The following ANK2 variants were observed in gnomAD, a reference collection of about 807,000 sequenced individuals.
The protein encoded by ANK2 is ankyrin-2.
Under a neutral mutation model 360.5 loss-of-function variants are expected in ANK2, and 83 were observed. The ratio of observed to expected loss-of-function variants is 0.23; its 90% confidence interval spans 0.19 to 0.28. The LOEUF (loss-of-function observed/expected upper bound fraction) is 0.28, where lower values mean the gene tolerates loss of function less well. ANK2 is among the 10% of genes least tolerant of loss of function. The pLI, the probability that ANK2 is intolerant of heterozygous loss-of-function variation, is 1.00. For synonymous variants in ANK2, 1,740 were observed against 1,759.5 expected (o/e 0.99, Z 0.28); for missense variants, 4,201 against 4,795.7 (o/e 0.88, Z 3.66).
chr4:113,352,929 C>G (rs902860992), intron 37 of ANK2, 116 bp from the exon 38 acceptor site: 1 of 1,212,370 alleles, frequency 8.2e-7, no homozygotes, highest in Non-Finnish European at 1.2e-6. Flanking sequence ...ATTTTGTTGC[C>G]CCTCCCACCA....
intron 2 of ANK2, among the ~76,000 whole-genome samples, chr4:113,041,185 A>C (rs2062857064): frequency 6.6e-6 from 1 of 152,034 alleles, no homozygotes; most frequent in Non-Finnish European, 1.5e-5. Context: ...AGATTTTATC[A>C]TTTCACTTAT....
At chr4:112,951,081 CAAAAA>C in intron 2 of ANK2, among the ~76,000 whole-genome samples, 1 of 55,946 alleles carries the variant, frequency 1.8e-5, no homozygotes, top group Non-Finnish European at 3.6e-5. Flanking sequence ...GCCTCCGTCT[CAAAAA>C]AAAAAAAAAA....
the ANK2 span, among the ~76,000 whole-genome samples, chr4:112,806,830 CAAAAAAGAA>C: frequency 5.3e-4 from 81 of 151,870 alleles, no homozygotes; most frequent in African/African-American, 1.9e-3. Context: ...GACCTTGTTT[CAAAAAAGAA>C]AAAAATGAAA....
intron 2 of ANK2, among the ~76,000 whole-genome samples, chr4:112,947,963 G>A (rs2094654220): frequency 6.6e-6 from 1 of 152,172 alleles, no homozygotes; most frequent in Non-Finnish European, 1.5e-5. Context: ...CCTATGACAA[G>A]ATTTAAAATA....
chr4:113,094,465 C>G (rs1471235896), intron 1 of ANK2, among the ~76,000 whole-genome samples: 1 of 152,022 alleles, frequency 6.6e-6, no homozygotes, highest in Non-Finnish European at 1.5e-5. Context: ...ACAATACATC[C>G]AGCACTAAGA....
chr4:112,937,234 T>C (rs1056412497), intron 2 of ANK2, among the ~76,000 whole-genome samples: 1 of 152,158 alleles, frequency 6.6e-6, no homozygotes, highest in East Asian at 1.9e-4. Flanking sequence ...CTTCCATGAC[T>C]TACCTTTTGG....
Position 112,882,121 on chromosome 4 carries a change from G to A in ANK2, c.-39-22334G>A, listed in dbSNP as rs2076864343. Reference sequence around the variant, plus strand: ...CATGAAGAGCTTCCGCAGCTGTTCCGGCTCTTTAGGACAGGACGGCCCTGG... The same window carrying A: ...CATGAAGAGCTTCCGCAGCTGTTCCAGCTCTTTAGGACAGGACGGCCCTGG... On this transcript the variant is annotated intron_variant, in intron 1 of 30. Transcript: ENST00000503271. 14 of 291,534 alleles carry A rather than the reference G, an allele frequency of 4.8e-5. No individual in the cohort carries two copies. In the South Asian group the frequency reaches 8.1e-4, roughly 17 times the overall value. The allele number at this position is 291,534 out of a possible 1,614,324, so 18.1% of individuals were successfully genotyped here.
upstream of ANK2, among the ~76,000 whole-genome samples, chr4:112,815,045 TCTA>T (rs1237088689): frequency 6.6e-6 from 1 of 151,244 alleles, no homozygotes; most frequent in Non-Finnish European, 1.5e-5. Context: ...AGTCTCAAAG[TCTA>T]CTATTTTTAG....
In ANK2 at chr4:113,381,722, G is replaced by C; in HGVS notation, c.*251G>C. On this transcript the variant is annotated 3_prime_UTR_variant, in exon 46 of 46. Transcript: ENST00000357077. ...GTTTCAGTAGGGGAGTGACCTAACT[G>C]GCCTAATTAATGGGATACCCCGACA... 1 of 1,429,822 alleles carries C rather than the reference G, an allele frequency of 7.0e-7. No homozygotes were observed. The highest frequency in any genetic ancestry group is 9.5e-7 in the Non-Finnish European group (1 of 1,057,850). The allele number at this position is 1,429,822 out of a possible 1,614,324, so 88.6% of individuals were successfully genotyped here. A position where few individuals can be genotyped will look rare whatever the true frequency, so the allele number is the denominator to read the frequency against.
chr4:112,971,984 C>T (rs1384897496), intron 2 of ANK2, among the ~76,000 whole-genome samples: 1 of 152,168 alleles, frequency 6.6e-6, no homozygotes, highest in African/African-American at 2.4e-5. Flanking sequence ...TATTCATTAT[C>T]AAAGAGATGT....
chr4:113,375,531 C>A (rs2096893252), intron 45 of ANK2, among the ~76,000 whole-genome samples: 1 of 151,888 alleles, frequency 6.6e-6, no homozygotes, highest in Non-Finnish European at 1.5e-5. Flanking sequence ...CGAGACCATC[C>A]TGGCTAACAC....
the ANK2 span, among the ~76,000 whole-genome samples, chr4:112,792,547 A>G: frequency 1.3e-5 from 2 of 152,200 alleles, no homozygotes; most frequent in African/African-American, 4.8e-5. Context: ...ATTGTTGATA[A>G]CTATAAAATG....
At chr4:112,850,069 C>G (rs1023411736) in intron 1 of ANK2, among the ~76,000 whole-genome samples, 24 of 152,270 alleles carry the variant, frequency 1.6e-4, no homozygotes, top group African/African-American at 5.8e-4. Context: ...ATTTATACCA[C>G]TGGATCCCTT....
chr4:112,954,165 C>T (rs1305544909), intron 2 of ANK2, among the ~76,000 whole-genome samples: 1 of 151,564 alleles, frequency 6.6e-6, no homozygotes, highest in African/African-American at 2.4e-5. Context: ...CCCCTGTATC[C>T]TTCCCTTTCT....
Position 113,369,519 on chromosome 4 carries a change from C to T in ANK2, c.11324C>T (p.Thr3775Ile), listed in dbSNP as rs962900143. Residue 3775 changes from threonine (T) to isoleucine (I), a missense_variant, in exon 43 of 46, where the codon ACA becomes ATA. Coordinates refer to ENST00000357077, the MANE Select transcript of ANK2 (RefSeq NM_001148.6). ...SLEYQQEYFV[T>I]TPGTETSETQ... ...ATTTGGCTTTTTGATTCCAGTGTGA[C>T]AACTCCAGGAACAGAAACATCAGAG... The T allele has an allele frequency of 2.5e-6, 4 of 1,613,582 alleles. No individual in the cohort carries two copies. The African/African-American group carries it at 5.3e-5, about 22-fold the overall frequency.
intron 14 of ANK2, among the ~76,000 whole-genome samples, chr4:113,269,128 C>T (rs1366510270): frequency 1.3e-5 from 2 of 152,162 alleles, no homozygotes; most frequent in African/African-American, 4.8e-5. Context: ...CCTCCCCCTA[C>T]CACGCTGGAG....
At chr4:112,908,462 CT>C (rs765147629) in intron 2 of ANK2, among the ~76,000 whole-genome samples, 1 of 152,118 alleles carries the variant, frequency 6.6e-6, no homozygotes, top group Non-Finnish European at 1.5e-5. Flanking sequence ...GTAGTTGAGA[CT>C]GGAGAGACAT....
intron 2 of ANK2, among the ~76,000 whole-genome samples, chr4:112,962,630 A>G (rs1399181835): frequency 2.0e-5 from 3 of 152,130 alleles, no homozygotes; most frequent in Non-Finnish European, 4.4e-5. Context: ...ACTGCTCTCT[A>G]CAGTGTCTAA....
intron 1 of ANK2, among the ~76,000 whole-genome samples, chr4:112,828,650 T>C (rs1287582376): frequency 6.6e-6 from 1 of 152,094 alleles, no homozygotes; most frequent in Non-Finnish European, 1.5e-5. Context: ...CCAAAAGCAA[T>C]TGCAACAAAA....
Sources: allele counts gnomAD v4.1 joint callset (sites outside exome capture counted in the v4.1 genomes callset), GRCh38; gene constraint gnomAD v4.1.1; transcripts MANE v1.5; gene names NCBI Gene and HGNC (gene_info 2026-07-23, HGNC 2026-07-21).